KRT6A: variants seen among roughly 807,000 people sequenced by gnomAD.
The protein encoded by KRT6A is keratin, type II cytoskeletal 6A.
In KRT6A, 28 loss-of-function variants were observed where a neutral mutation model predicts 48.6. The ratio of observed to expected loss-of-function variants is 0.58; its 90% confidence interval spans 0.43 to 0.79. The LOEUF (loss-of-function observed/expected upper bound fraction) is 0.79, where lower values mean the gene tolerates loss of function less well. Ranked by LOEUF, KRT6A falls within the 30% of genes least tolerant of loss-of-function variation. The pLI is 0.00. For missense variants in KRT6A, 687 were observed against 724.3 expected (o/e 0.95, Z 0.59); for synonymous variants, 301 against 294.2 (o/e 1.02, Z -0.24).
chr12:52,493,156 G>T lies in KRT6A; in HGVS notation c.33C>A (p.His11Gln). 6.2e-7 allele frequency: 1 copy of T among 1,614,190 alleles called. No homozygotes were observed. The highest frequency in any genetic ancestry group is 8.5e-7 in the Non-Finnish European group (1 of 1,180,050). MASTSTTIRS[H>Q]SSSRRGFSAN... ...CACTGAAACCCCGGCGGCTGCTGCTGTGGCTCCTGATGGTGGTGGATGTGC... is the reference window on the plus strand; with the variant it reads ...CACTGAAACCCCGGCGGCTGCTGCTTTGGCTCCTGATGGTGGTGGATGTGC... The change falls in exon 1 of 9, where the codon CAC (histidine) becomes CAA (glutamine). Residue 11 changes from histidine (H) to glutamine (Q), a missense_variant. His to Gln is a conservative substitution (Grantham distance 24). Transcript: ENST00000330722.
At position 52,487,585 on chromosome 12, in the gene KRT6A, TA is replaced by T; in HGVS notation, c.*134del. 9.5e-7 allele frequency: 1 copy of T among 1,051,608 alleles called. No homozygotes were observed. The highest frequency in any genetic ancestry group is 1.4e-6 in the Non-Finnish European group (1 of 706,712). The allele number at this position is 1,051,608 out of a possible 1,614,324, so 65.1% of individuals were successfully genotyped here. A position where few individuals can be genotyped will look rare whatever the true frequency, so the allele number is the denominator to read the frequency against. On this transcript the variant is annotated 3_prime_UTR_variant, in exon 9 of 9. Coordinates refer to ENST00000330722, the MANE Select transcript of KRT6A (RefSeq NM_005554.4). ...AGAGAGAGAGAAGAAGTGAGGGCAC[TA>T]AGCATCCATACCCAGCTCTACCTGG...
At position 52,487,406 on chromosome 12, in the gene KRT6A, G is replaced by A. The variant is rs1938161952; in HGVS notation, c.*314C>T. 1 of 416,642 alleles carries A rather than the reference G, an allele frequency of 2.4e-6. No individual in the cohort carries two copies. Among genetic ancestry groups the A allele is most frequent in the African/African-American group, 2.0e-5 (1 of 50,084 alleles). 25.8% of individuals were successfully genotyped at this position (416,642 alleles called of 1,614,324 possible). ...CAATTTTCTGCAATGAAAAGGAGCAGAGGTCATTTTCTTATAATGCTCAGC... is the reference window on the plus strand; with the variant it reads ...CAATTTTCTGCAATGAAAAGGAGCAAAGGTCATTTTCTTATAATGCTCAGC... On this transcript the variant is annotated 3_prime_UTR_variant, in exon 9 of 9. Transcript: ENST00000330722.
In KRT6A at chr12:52,488,314, T is replaced by A; in HGVS notation, c.1424+14A>T. ...TGGACTCAGCTGTTGAAGGAGTTCG[T>A]GTCAGTTACCCACCTGCACTCCTCA... On this transcript the variant is annotated intron_variant, in intron 7 of 8. Transcript: ENST00000330722. The A allele has an allele frequency of 1.9e-6, 3 of 1,614,138 alleles. No individual in the cohort carries two copies. Among genetic ancestry groups the A allele is most frequent in the Non-Finnish European group, 2.5e-6 (3 of 1,180,016 alleles).
rs1938162308 is a variant in KRT6A, at chr12:52,487,421, T to C, written c.*299A>G. 1 of 452,144 alleles carries C rather than the reference T, an allele frequency of 2.2e-6. No individual in the cohort carries two copies. The highest frequency in any genetic ancestry group is 4.0e-6 in the Non-Finnish European group (1 of 250,296). 28.0% of individuals were successfully genotyped at this position (452,144 alleles called of 1,614,324 possible). ...AAAAGGAGCAGAGGTCATTTTCTTA[T>C]AATGCTCAGCCTCAGAGATAGAACA... is the stretch of plus-strand genomic sequence containing the variant. On this transcript the variant is annotated 3_prime_UTR_variant, in exon 9 of 9. Coordinates refer to ENST00000330722, the MANE Select transcript of KRT6A (RefSeq NM_005554.4).
At position 52,487,688 on chromosome 12, in the gene KRT6A, G is replaced by A. The variant is rs1302253892; in HGVS notation, c.*32C>T. The A allele has an allele frequency of 2.5e-6, 4 of 1,613,980 alleles. No homozygotes were observed. Among genetic ancestry groups the A allele is most frequent in the Middle Eastern group, 1.7e-4 (1 of 6,008 alleles). On this transcript the variant is annotated 3_prime_UTR_variant, in exon 9 of 9. Coordinates refer to ENST00000330722, the MANE Select transcript of KRT6A (RefSeq NM_005554.4). ...GCTCTGCAGCCAGAGAGGGGCCTGAGGACTGTGGGACCGAGAGCTAGCAGA... is the reference window on the plus strand; with the variant it reads ...GCTCTGCAGCCAGAGAGGGGCCTGAAGACTGTGGGACCGAGAGCTAGCAGA...
At chr12:52,488,607 C>T (rs1016439857) in intron 6 of KRT6A, 59 bp from the exon 7 acceptor site, 11 of 1,531,512 alleles carry the variant, frequency 7.2e-6, no homozygotes, top group African/African-American at 5.7e-5. Flanking sequence ...GAGACTAAAC[C>T]TGGCTGGTTA....
chr12:52,488,528 G>A lies in KRT6A; in HGVS notation c.1224C>T (p.Ala408=), dbSNP rs747673159. ...CCCCACGCTGCTCAGCATCAGCAAT[G>A]GCGGCCTGCAGGTTGGCGCACTGGA... ...VKKQCANLQA[A]IADAEQRGEM... The change falls in exon 7 of 9, where the codon GCC becomes GCT. Residue 408 remains alanine (A), a synonymous_variant. Transcript: ENST00000330722. The A allele has an allele frequency of 9.3e-6, 15 of 1,614,040 alleles. No homozygotes were observed. The African/African-American group carries it at 1.3e-4, about 14-fold the overall frequency.
At chr12:52,489,273 T>TTTTTTC (rs146240135) in intron 6 of KRT6A, among the ~76,000 whole-genome samples, 49 of 150,478 alleles carry the variant, frequency 3.3e-4, no homozygotes, top group African/African-American at 1.1e-3. Flanking sequence ...ATTATGAGGG[T>TTTTTTC]TTTTTCTTTT....
chr12:52,488,180 G>C (rs1241131073), intron 7 of KRT6A, 77 bp from the exon 8 acceptor site: 1 of 1,613,770 alleles, frequency 6.2e-7, no homozygotes, highest in Admixed American at 1.7e-5. Flanking sequence ...AGCCTCGGTG[G>C]GTGGAAGAGT....
At chr12:52,490,470 C>G in intron 5 of KRT6A, 99 bp downstream of exon 5, 4 of 1,590,378 alleles carry the variant, frequency 2.5e-6, no homozygotes, top group Middle Eastern at 1.7e-4. Context: ...TGAGAGGACC[C>G]CAGCTTCCTG....
At position 52,491,700 on chromosome 12, in the gene KRT6A, T is replaced by C; in HGVS notation, c.577A>G (p.Thr193Ala). The C allele has an allele frequency of 6.2e-7, 1 of 1,614,190 alleles. No homozygotes were observed. The highest frequency in any genetic ancestry group is 8.5e-7 in the Non-Finnish European group (1 of 1,180,036). ...TGCTCCTGCAGCAGGGTCCACTTTG[T>C]TTCCAGAACCTTGTTCTGCTGCTCC... ...FLEQQNKVLE[T>A]KWTLLQEQGT... Residue 193 changes from threonine (T) to alanine (A), a missense_variant, in exon 2 of 9, where the codon ACA (threonine) becomes GCA (alanine). Transcript: ENST00000330722.
At chr12:52,492,329 A>G (rs1938282990) in intron 1 of KRT6A, among the ~76,000 whole-genome samples, 1 of 152,172 alleles carries the variant, frequency 6.6e-6, no homozygotes, top group Non-Finnish European at 1.5e-5. Flanking sequence ...GTAATTTACC[A>G]GCCCGTGTAC....
rs562446847 is a variant in KRT6A, at chr12:52,487,790, A to G, written c.1625T>C (p.Val542Ala). The change falls in exon 9 of 9, where the codon GTT becomes GCT. Residue 542 changes from valine to alanine, a missense_variant. Val to Ala is a moderately conservative substitution (Grantham distance 64). This residue lies in a region of KRT6A where 566 missense variants were observed against 565.3 expected (regional missense o/e 1.00). Coordinates refer to ENST00000330722, the MANE Select transcript of KRT6A (RefSeq NM_005554.4). ...GRAIGGGLSSVGGGSSTIKYT... is the reference protein window; with the variant it reads ...GRAIGGGLSSAGGGSSTIKYT... ...CTTGATGGTGGAACTGCCGCCTCCA[A>G]CAGAGCTGAGGCCACCCCCAATGGC... 8.1e-6 allele frequency: 13 copies of G among 1,614,066 alleles called. No homozygotes were observed. In the East Asian group the frequency reaches 2.0e-4, roughly 25 times the overall value.
intron 6 of KRT6A, 131 bp from the exon 7 acceptor site, chr12:52,488,679 C>T: frequency 4.3e-6 from 5 of 1,168,240 alleles, no homozygotes; most frequent in Non-Finnish European, 5.9e-6. Context: ...CTCTTCCTAT[C>T]TATTGTTTTT....
Position 52,487,684 on chromosome 12 carries a change from C to A in KRT6A, c.*36G>T. On this transcript the variant is annotated 3_prime_UTR_variant, in exon 9 of 9. Coordinates refer to ENST00000330722, the MANE Select transcript of KRT6A (RefSeq NM_005554.4). ...GAGGGCTCTGCAGCCAGAGAGGGGC[C>A]TGAGGACTGTGGGACCGAGAGCTAG... The A allele has an allele frequency of 6.2e-7, 1 of 1,613,994 alleles. No individual in the cohort carries two copies. Among genetic ancestry groups the A allele is most frequent in the South Asian group, 1.1e-5 (1 of 91,074 alleles).
intron 4 of KRT6A, 37 bp downstream of exon 4, chr12:52,490,821 C>A (rs1383415058): frequency 3.1e-6 from 5 of 1,614,064 alleles, no homozygotes. Flanking sequence ...TTTGCAGACC[C>A]CATCAGAGTA....
At position 52,487,912 on chromosome 12, in the gene KRT6A, A is replaced by G. The variant is rs567110834; in HGVS notation, c.1503T>C (p.Ser501=). ...STVSSGYGGA[S]GVGSGLGLGG... ...CCAGGCCTAAGCCACTGCCGACACC[A>G]CTGGCACCGCCATAGCCACTGGAGA... Residue 501 remains serine (S), a synonymous_variant, in exon 9 of 9, where the codon AGT becomes AGC. Transcript: ENST00000330722. 90 of 1,613,906 alleles carry G rather than the reference A, an allele frequency of 5.6e-5. 1 individual carries two copies. Among genetic ancestry groups the G allele is most frequent in the Middle Eastern group, 1.7e-4 (1 of 6,060 alleles).
rs373275681 is a variant in KRT6A at position 52,488,325 on chromosome 12, C to T, written c.1424+3G>A. 2.5e-5 allele frequency: 41 copies of T among 1,614,176 alleles called. No individual in the cohort carries two copies. The South Asian group carries it at 2.6e-4, about 10-fold the overall frequency. On this transcript the variant is annotated splice_donor_region_variant and intron_variant, in intron 7 of 8. Coordinates refer to ENST00000330722, the MANE Select transcript of KRT6A (RefSeq NM_005554.4). ...GTTGAAGGAGTTCGTGTCAGTTACC[C>T]ACCTGCACTCCTCACCCTCCAGCAG...
intron 1 of KRT6A, among the ~76,000 whole-genome samples, chr12:52,492,194 GT>G (rs1938279738): frequency 6.6e-6 from 1 of 152,110 alleles, no homozygotes; most frequent in Admixed American, 6.5e-5. Flanking sequence ...GTCATTCTTT[GT>G]TTTGAGGATT....
Sources: allele counts gnomAD v4.1 joint callset (sites outside exome capture counted in the v4.1 genomes callset), GRCh38; gene constraint gnomAD v4.1.1; regional missense constraint gnomAD v4.1.1; transcripts MANE v1.5; gene names NCBI Gene and HGNC (gene_info 2026-07-23, HGNC 2026-07-21).